The following MTF1 variants were observed in gnomAD, a reference collection of about 807,000 sequenced individuals.
MTF1 encodes the protein MRE-binding transcription factor.
MTF1 carries 22 observed loss-of-function variants against 70.4 expected under a neutral mutation model. The observed-to-expected ratio is 0.31, with a 90% confidence interval of 0.22 to 0.45. MTF1 has a LOEUF of 0.45. Ranked by LOEUF, MTF1 falls within the 20% of genes least tolerant of loss-of-function variation. MTF1 has a pLI of 1.00. For missense variants in MTF1, 649 were observed against 922.0 expected (o/e 0.70, Z 3.83); for synonymous variants, 333 against 352.8 (o/e 0.94, Z 0.63).
chr1:37,858,627 C>T (rs140097485), intron 1 of MTF1: 1 of 152,050 alleles, frequency 6.6e-6, no homozygotes, highest in African/African-American at 2.4e-5. Context: ...GGCTCTCGTC[C>T]CTGAATCAAT....
intron 2 of MTF1, among the ~76,000 whole-genome samples, chr1:37,856,170 C>CTT (rs869062644): frequency 8.4e-3 from 627 of 74,210 alleles, no homozygotes; most frequent in Middle Eastern, 0.026. Context: ...CCTGAATTTC[C>CTT]TTTTTTTTTT....
chr1:37,830,263 CT>C (rs1641066925), intron 7 of MTF1, among the ~76,000 whole-genome samples: 1 of 152,128 alleles, frequency 6.6e-6, no homozygotes, highest in African/African-American at 2.4e-5. Context: ...TCTCTTTGCT[CT>C]TTAGTTTGAT....
intron 3 of MTF1, 85 bp from the exon 4 acceptor site, chr1:37,838,841 G>C: frequency 1.0e-6 from 1 of 985,638 alleles, no homozygotes; most frequent in South Asian, 1.9e-5. Context: ...TTTCGCTCTT[G>C]TCGCCCAGGC....
intron 10 of MTF1, among the ~76,000 whole-genome samples, chr1:37,816,797 G>A (rs1319202008): frequency 6.6e-6 from 1 of 152,162 alleles, no homozygotes; most frequent in Admixed American, 6.5e-5. Context: ...AGGAGGCCCA[G>A]GCTGCAGTGA....
chr1:37,822,707 G>A lies in MTF1; in HGVS notation c.1181C>T (p.Thr394Ile), dbSNP rs751967107. The A allele has an allele frequency of 1.9e-6, 3 of 1,607,430 alleles. No individual in the cohort carries two copies. The highest frequency in any genetic ancestry group is 1.7e-5 in the Admixed American group (1 of 59,882). Reference sequence around the variant, plus strand: ...CTCTGCATCACCATTAAAACTTTCAGTCAAGGAAGCTGGCAAGAAAAAGAA... The same window carrying A: ...CTCTGCATCACCATTAAAACTTTCAATCAAGGAAGCTGGCAAGAAAAAGAA... ...QEDPQQTASL[T>I]ESFNGDAESV... The change falls in exon 9 of 11, where the codon ACT (threonine) becomes ATT (isoleucine). Residue 394 changes from threonine to isoleucine, a missense_variant. Coordinates refer to ENST00000373036, the MANE Select transcript of MTF1 (RefSeq NM_005955.3).
intron 1 of MTF1, 40 bp from the exon 2 acceptor site, chr1:37,857,749 G>C (rs1171842816): frequency 1.6e-6 from 2 of 1,231,254 alleles, no homozygotes; most frequent in East Asian, 4.7e-5. Flanking sequence ...CATACCACAA[G>C]ACCGACGGAC....
Position 37,822,379 on chromosome 1 carries a change from A to G in MTF1, c.1509T>C (p.Ala503=). 1.2e-6 allele frequency: 2 copies of G among 1,613,966 alleles called. No homozygotes were observed. The highest frequency in any genetic ancestry group is 1.7e-6 in the Non-Finnish European group (2 of 1,179,838). ...CTGCCGCTGCTGATGCAGAAGCCCC[A>G]GCAACAACAGAAAGTCCTGGTACAA... ...QPIVPGLSVV[A]GASASAAAVA... Residue 503 remains alanine, a synonymous_variant, in exon 9 of 11, where the codon GCT becomes GCC. Transcript: ENST00000373036.
At chr1:37,821,201 C>T (rs1246170265) in intron 9 of MTF1, among the ~76,000 whole-genome samples, 1 of 150,934 alleles carries the variant, frequency 6.6e-6, no homozygotes, top group Non-Finnish European at 1.5e-5. Context: ...ATAGGAGAAA[C>T]TAGGGGTGGG....
At chr1:37,827,347 T>C (rs1222712863) in intron 7 of MTF1, among the ~76,000 whole-genome samples, 1 of 148,062 alleles carries the variant, frequency 6.8e-6, no homozygotes, top group Non-Finnish European at 1.5e-5. Flanking sequence ...TTATTATTAT[T>C]ATTATTATTA....
chr1:37,851,664 G>A (rs1641419803), intron 2 of MTF1, among the ~76,000 whole-genome samples: 1 of 152,124 alleles, frequency 6.6e-6, no homozygotes, highest in African/African-American at 2.4e-5. Context: ...ACAAATTTCT[G>A]TCTTGGTTTA....
At chr1:37,817,553 A>G in intron 9 of MTF1, 71 bp from the exon 10 acceptor site, 1 of 1,011,168 alleles carries the variant, frequency 9.9e-7, no homozygotes, top group Non-Finnish European at 1.6e-6. Context: ...CTGAAGCCTC[A>G]CCAACTGTAA....
chr1:37,835,176 T>C lies in MTF1; in HGVS notation c.893A>G (p.Lys298Arg), dbSNP rs1343312969. 1.2e-6 allele frequency: 2 copies of C among 1,613,688 alleles called. No homozygotes were observed. The highest frequency in any genetic ancestry group is 2.7e-5 in the African/African-American group (2 of 74,930). The change falls in exon 6 of 11, where the codon AAA becomes AGA. Residue 298 changes from lysine to arginine, a missense_variant. Around this residue, in one of 7 missense-constraint regions of MTF1, gnomAD observed 118 missense variants for 287.2 expected, o/e 0.41. Transcript: ENST00000373036. ...PFFCPSNGCE[K>R]TFSTQYSLKS... Reference sequence around the variant, plus strand: ...GAGACTGTATTGAGTGCTGAATGTTTTCTCACAGCCATTACTGGGGCAGAA... The same window carrying C: ...GAGACTGTATTGAGTGCTGAATGTTCTCTCACAGCCATTACTGGGGCAGAA...
At chr1:37,831,277 T>G (rs968313723) in intron 7 of MTF1, among the ~76,000 whole-genome samples, 4 of 152,146 alleles carry the variant, frequency 2.6e-5, no homozygotes, top group Admixed American at 6.5e-5. Context: ...TACATAAAAA[T>G]GCAGGTTCAG....
At chr1:37,836,475 ATCT>A (rs955819630) in intron 4 of MTF1, among the ~76,000 whole-genome samples, 8 of 152,180 alleles carry the variant, frequency 5.3e-5, no homozygotes, top group Admixed American at 1.3e-4. Context: ...CAAGTAACTT[ATCT>A]ATAATCTTGT....
rs898232046 is a variant in MTF1, at chr1:37,812,883, C to T, written c.*2253G>A. ...CAACTCATGCTCAGCAGTTGGTTTTCCAGGAGGACTGGAAACCTCCTGCCT... is the reference window on the plus strand; with the variant it reads ...CAACTCATGCTCAGCAGTTGGTTTTTCAGGAGGACTGGAAACCTCCTGCCT... On this transcript the variant is annotated 3_prime_UTR_variant, in exon 11 of 11. Transcript: ENST00000373036. 5 of 152,330 alleles carry T rather than the reference C, an allele frequency of 3.3e-5. No homozygotes were observed. In the East Asian group the frequency reaches 5.8e-4, roughly 18 times the overall value. The allele number at this position is 152,330 out of a possible 1,614,324, so 9.4% of individuals were successfully genotyped here.
Position 37,857,288 on chromosome 1 carries a change from G to A in MTF1, c.371C>T (p.Thr124Ile), listed in dbSNP as rs1179072405. The A allele has an allele frequency of 6.2e-7, 1 of 1,614,014 alleles. No homozygotes were observed. Among genetic ancestry groups the A allele is most frequent in the Admixed American group, 1.7e-5 (1 of 60,018 alleles). ...MPRNIEGATL[T>I]LQSECPETKR... is the part of the protein sequence containing the mutation. ...TGTTTCCGGACATTCCGACTGCAGA[G>A]TGAGGGTTGCACCTTCAATATTTCT... Residue 124 changes from threonine to isoleucine, a missense_variant, in exon 2 of 11, where the codon ACT (threonine) becomes ATT (isoleucine). Thr to Ile is a moderately conservative substitution (Grantham distance 89). Coordinates refer to ENST00000373036, the MANE Select transcript of MTF1 (RefSeq NM_005955.3).
Position 37,822,278 on chromosome 1 carries a change from G to C in MTF1, c.1610C>G (p.Pro537Arg), listed in dbSNP as rs1361704479. The change falls in exon 9 of 11, where the codon CCC becomes CGC. Residue 537 changes from proline (P) to arginine (R), a missense_variant. By Grantham distance (103) the Pro-to-Arg change is moderately radical. This residue lies in a region of MTF1 where 267 missense variants were observed against 292.1 expected (regional missense o/e 0.91). Coordinates refer to ENST00000373036, the MANE Select transcript of MTF1 (RefSeq NM_005955.3). ...AGTTAGGACAGAGTTGGCACCCAGGGGCAGAGTCTGGACCATGGCTGGCAG... is the reference window on the plus strand; with the variant it reads ...AGTTAGGACAGAGTTGGCACCCAGGCGCAGAGTCTGGACCATGGCTGGCAG... ...EPLPAMVQTL[P>R]LGANSVLTNN... 6.2e-7 allele frequency: 1 copy of C among 1,614,160 alleles called. No individual in the cohort carries two copies. The highest frequency in any genetic ancestry group is 1.7e-5 in the Admixed American group (1 of 60,014).
chr1:37,817,743 C>G (rs1438726639), intron 9 of MTF1, among the ~76,000 whole-genome samples: 1 of 152,210 alleles, frequency 6.6e-6, no homozygotes, highest in Admixed American at 6.5e-5. Flanking sequence ...GGTTCTGTAT[C>G]CAAAGGCTCC....
chr1:37,828,138 C>T, intron 7 of MTF1: 1 of 390,388 alleles, frequency 2.6e-6, no homozygotes, highest in Non-Finnish European at 4.9e-6. Flanking sequence ...AAAAGCCACA[C>T]ATAAACAAGT....
Sources: gnomAD v4.1 joint callset for allele counts (sites outside exome capture counted in the v4.1 genomes callset) on GRCh38, gnomAD v4.1.1 for gene constraint, gnomAD v4.1.1 regional missense constraint, MANE v1.5 for transcripts, NCBI Gene and HGNC (gene_info 2026-07-23, HGNC 2026-07-21) for gene names.